Variants in AGO2 observed in about 807,000 individuals in gnomAD.
AGO2 encodes the protein argonaute RISC catalytic component 2, also known as protein argonaute-2.
Under a neutral mutation model 102.3 loss-of-function variants are expected in AGO2, and 5 were observed. The observed-to-expected ratio is 0.05, with a 90% CI of 0.03 to 0.10. The LOEUF (loss-of-function observed/expected upper bound fraction) is 0.10. AGO2 is among the 10% of genes least tolerant of loss of function. The pLI, the probability that AGO2 is intolerant of heterozygous loss-of-function variation, is 1.00. For synonymous variants in AGO2, 449 were observed against 473.1 expected (o/e 0.95, Z 0.66); for missense variants, 541 against 1,183.7 (o/e 0.46, Z 7.97).
At chr8:140,639,172 T>TTTTTG (rs988788562), upstream of AGO2, among the ~76,000 whole-genome samples, 1 of 152,152 alleles carries the variant, frequency 6.6e-6, no homozygotes, top group Non-Finnish European at 1.5e-5. Flanking sequence ...CCAGACTGGT[T>TTTTTG]TTTTGTTTTG....
chr8:140,548,314 TA>T (rs34521232), intron 12 of AGO2, among the ~76,000 whole-genome samples: 57,071 of 120,774 alleles, frequency 0.47, 12,783 homozygotes, highest in East Asian at 0.57. Context: ...AGCCCTTGTC[TA>T]AAAAAAAAAA....
chr8:140,586,088 G>A (rs1013941425), intron 1 of AGO2, among the ~76,000 whole-genome samples: 9 of 152,304 alleles, frequency 5.9e-5, no homozygotes, highest in South Asian at 2.1e-4. Context: ...CCACCAAGTC[G>A]CCATGACTTC....
At chr8:140,576,844 C>T (rs984349120) in intron 2 of AGO2, among the ~76,000 whole-genome samples, 1 of 152,168 alleles carries the variant, frequency 6.6e-6, no homozygotes, top group African/African-American at 2.4e-5. Flanking sequence ...TGGACAAACC[C>T]ATGATGCCAC....
At chr8:140,594,166 T>C (rs544093264) in intron 1 of AGO2, among the ~76,000 whole-genome samples, 1 of 152,168 alleles carries the variant, frequency 6.6e-6, no homozygotes, top group South Asian at 2.1e-4. Flanking sequence ...TCTCCCTGAA[T>C]GGGCAGGCAA....
chr8:140,566,549 A>G (rs2073287204), intron 3 of AGO2, among the ~76,000 whole-genome samples: 1 of 152,146 alleles, frequency 6.6e-6, no homozygotes, highest in Admixed American at 6.6e-5. Context: ...ATTTGGCATA[A>G]CACTGGCAAC....
intron 1 of AGO2, among the ~76,000 whole-genome samples, chr8:140,629,148 G>A (rs1319195722): frequency 2.0e-5 from 3 of 151,870 alleles, no homozygotes; most frequent in East Asian, 1.9e-4. Context: ...TAATAAACGC[G>A]CGACTCTGGG....
At position 140,607,031 on chromosome 8, in the gene AGO2, C is replaced by T. The variant is rs62529981; in HGVS notation, c.23-21720G>A. Among the ~76,000 whole-genome samples the T allele has an allele frequency of 5.3e-3, 812 of 152,004 alleles. 6 individuals carry two copies. The highest frequency in any genetic ancestry group is 9.2e-3 in the Non-Finnish European group (627 of 67,980). On this transcript the variant is annotated intron_variant, in intron 1 of 18. Coordinates refer to ENST00000220592, the MANE Select transcript of AGO2 (RefSeq NM_012154.5). The stretch of plus-strand genomic sequence containing the variant: ...TTGGGAGGCCGAGGTGGGTGGATCA[C>T]CTGAGGTCGGGAGTTGGAGACCAGC...
chr8:140,553,411 GT>G (rs71320379), intron 10 of AGO2, among the ~76,000 whole-genome samples: 1,673 of 45,264 alleles, frequency 0.037, 32 homozygotes, highest in African/African-American at 0.15. Context: ...TTTGTTTTTT[GT>G]TTTTTTTTTT....
rs143063707 is a variant in AGO2, at chr8:140,534,334, G to C, written c.2271+1134C>G. ...AGAGTTTGCCCAGGAAACATGCCCA[G>C]GAGGCCCTGGTGGGTGAGGCTCCCC... is the stretch of plus-strand genomic sequence containing the variant. On this transcript the variant is annotated intron_variant, in intron 17 of 18. Coordinates refer to ENST00000220592, the MANE Select transcript of AGO2 (RefSeq NM_012154.5). Among the ~76,000 whole-genome samples the C allele has an allele frequency of 1.3e-3, 195 of 152,368 alleles. 5 individuals carry two copies. The East Asian group carries it at 0.032, about 25-fold the overall frequency.
At chr8:140,605,425 A>G (rs1163526596) in intron 1 of AGO2, among the ~76,000 whole-genome samples, 1 of 152,242 alleles carries the variant, frequency 6.6e-6, no homozygotes, top group Non-Finnish European at 1.5e-5. Context: ...GCTTAAAAAA[A>G]ATATCAGCAA....
rs573619744 is a variant in AGO2 at position 140,520,616 on chromosome 8, G to C, written c.*11428C>G. ...GAAGACGGGCTCTCTGGAGAGACCA[G>C]AGGCTCGGGCTGCCTGATTTCAGCA... On this transcript the variant is annotated 3_prime_UTR_variant, in exon 19 of 19. Transcript: ENST00000220592. 1 of 152,180 alleles carries C rather than the reference G, an allele frequency of 6.6e-6. No individual in the cohort carries two copies. The highest frequency in any genetic ancestry group is 2.4e-5 in the African/African-American group (1 of 41,540). 9.4% of individuals were successfully genotyped at this position (152,180 alleles called of 1,614,324 possible).
In AGO2 at chr8:140,530,068, C is replaced by A. The variant is rs2072562863; in HGVS notation, c.*1976G>T. On this transcript the variant is annotated 3_prime_UTR_variant, in exon 19 of 19. Coordinates refer to ENST00000220592, the MANE Select transcript of AGO2 (RefSeq NM_012154.5). ...GAACTGCCATTTCTTAGAGTGGGAGCTTCTGTCATTTAAAAAGATTAAAAA... is the reference window on the plus strand; with the variant it reads ...GAACTGCCATTTCTTAGAGTGGGAGATTCTGTCATTTAAAAAGATTAAAAA... 1 of 148,596 alleles carries A rather than the reference C, an allele frequency of 6.7e-6. No individual in the cohort carries two copies. 9.2% of individuals were successfully genotyped at this position (148,596 alleles called of 1,614,324 possible).
At chr8:140,586,764 G>A (rs1490156906) in intron 1 of AGO2, among the ~76,000 whole-genome samples, 1 of 152,176 alleles carries the variant, frequency 6.6e-6, no homozygotes, top group African/African-American at 2.4e-5. Flanking sequence ...TTGCCAACAC[G>A]TGGCCCTGTT....
intron 1 of AGO2, among the ~76,000 whole-genome samples, chr8:140,596,340 T>C (rs1488737394): frequency 2.6e-5 from 4 of 152,168 alleles, no homozygotes; most frequent in Non-Finnish European, 5.9e-5. Flanking sequence ...TCCCAGCATT[T>C]TGGGAGGCCA....
chr8:140,570,576 GC>G (rs2073362209), intron 3 of AGO2, among the ~76,000 whole-genome samples: 2 of 152,290 alleles, frequency 1.3e-5, no homozygotes, highest in African/African-American at 4.8e-5. Context: ...GTGGCATGGG[GC>G]CAGCAGCACA....
chr8:140,628,207 G>A (rs1406420270), intron 1 of AGO2, among the ~76,000 whole-genome samples: 1 of 152,230 alleles, frequency 6.6e-6, no homozygotes, highest in Admixed American at 6.5e-5. Context: ...CTGTGGGCAG[G>A]CCCCACCCCA....
rs372440193 is a variant in AGO2, at chr8:140,599,251, G to C, written c.23-13940C>G. On this transcript the variant is annotated intron_variant, in intron 1 of 18. Transcript: ENST00000220592. Reference sequence around the variant, plus strand: ...GATGTGCGCTGAGCGTCCGTTATGTGGTGGCGTCGCTGTGGTTTCTTAACC... The same window carrying C: ...GATGTGCGCTGAGCGTCCGTTATGTCGTGGCGTCGCTGTGGTTTCTTAACC... Among the ~76,000 whole-genome samples the C allele has an allele frequency of 3.9e-5, 6 of 152,284 alleles. No homozygotes were observed. The East Asian group carries it at 7.7e-4, about 20-fold the overall frequency.
At chr8:140,638,878 A>T (rs1230984496), upstream of AGO2, among the ~76,000 whole-genome samples, 1 of 151,626 alleles carries the variant, frequency 6.6e-6, no homozygotes, top group East Asian at 1.9e-4. Context: ...ACCTGACCTT[A>T]TTTTTTTTGT....
intron 10 of AGO2, among the ~76,000 whole-genome samples, chr8:140,552,674 G>GCA (rs148826477): frequency 0.012 from 1,812 of 150,274 alleles, 16 homozygotes; most frequent in African/African-American, 0.023. Context: ...GACAGGGAGT[G>GCA]CACACACACA....
Sources: allele counts gnomAD v4.1 joint callset (sites outside exome capture counted in the v4.1 genomes callset), GRCh38; gene constraint gnomAD v4.1.1; transcripts MANE v1.5; gene names NCBI Gene and HGNC (gene_info 2026-07-23, HGNC 2026-07-21).